The following MECOM variants were observed in gnomAD, a reference collection of about 807,000 sequenced individuals.
MECOM encodes the protein histone-lysine N-methyltransferase MECOM.
In MECOM, 13 loss-of-function variants were observed where a neutral mutation model predicts 116.3. That is an observed-to-expected ratio of 0.11 (90% confidence interval 0.07 to 0.18). The LOEUF is 0.18. Among genes scored for constraint, MECOM ranks in the 10% least tolerant of loss-of-function variants. MECOM has a pLI of 1.00. For synonymous variants in MECOM, 528 were observed against 535.2 expected, an observed-to-expected ratio of 0.99 and a Z score of 0.19; for missense variants, 1,299 against 1,509.0, an observed-to-expected ratio of 0.86 and a Z score of 2.31.
At chr3:169,520,373 C>T (rs1224540066) in intron 1 of MECOM, among the ~76,000 whole-genome samples, 1 of 152,184 alleles carries the variant, frequency 6.6e-6, no homozygotes, top group Non-Finnish European at 1.5e-5. Flanking sequence ...CTCCCTCATC[C>T]TTGGACTTCC....
chr3:169,382,857 A>AT (rs1339658796), intron 1 of MECOM, among the ~76,000 whole-genome samples: 4 of 103,190 alleles, frequency 3.9e-5, no homozygotes, highest in African/African-American at 1.6e-4. Context: ...CTCAAAAAAA[A>AT]AAAAAAATAA....
intron 2 of MECOM, among the ~76,000 whole-genome samples, chr3:169,295,240 T>G (rs1438479926): frequency 6.6e-6 from 1 of 152,142 alleles, no homozygotes; most frequent in African/African-American, 2.4e-5. Context: ...AAGATATTGT[T>G]TAAAGAAAGA....
chr3:169,480,155 G>A (rs1473412242), intron 1 of MECOM, among the ~76,000 whole-genome samples: 1 of 152,304 alleles, frequency 6.6e-6, no homozygotes, highest in African/African-American at 2.4e-5. Context: ...GACATGTGAA[G>A]AATTCAAATA....
intron 1 of MECOM, among the ~76,000 whole-genome samples, chr3:169,512,801 C>G (rs894717964): frequency 5.3e-5 from 8 of 152,200 alleles, no homozygotes; most frequent in African/African-American, 1.9e-4. Flanking sequence ...CCCAGCTCCC[C>G]CTTCCCACTT....
intron 2 of MECOM, among the ~76,000 whole-genome samples, chr3:169,302,353 T>G (rs1383393229): frequency 6.6e-6 from 1 of 152,154 alleles, no homozygotes; most frequent in African/African-American, 2.4e-5. Context: ...GCACAACACC[T>G]CCTGCTGTGA....
At chr3:169,375,963 T>A (rs1406788501) in intron 2 of MECOM, among the ~76,000 whole-genome samples, 5 of 151,996 alleles carry the variant, frequency 3.3e-5, no homozygotes, top group Admixed American at 1.3e-4. Context: ...CAGCAGCACA[T>A]CAGAAAGCTT....
intron 2 of MECOM, among the ~76,000 whole-genome samples, chr3:169,329,447 G>A (rs1039350746): frequency 6.6e-6 from 1 of 152,194 alleles, no homozygotes; most frequent in African/African-American, 2.4e-5. Flanking sequence ...TATGTGGGGA[G>A]TGTGGGCAAG....
At chr3:169,322,010 T>C (rs1336799303) in intron 2 of MECOM, among the ~76,000 whole-genome samples, 1 of 152,224 alleles carries the variant, frequency 6.6e-6, no homozygotes, top group African/African-American at 2.4e-5. Flanking sequence ...AGTTTCTCCA[T>C]GTATCTCCAG....
intron 2 of MECOM, among the ~76,000 whole-genome samples, chr3:169,274,014 T>A (rs1759285629): frequency 6.7e-6 from 1 of 150,100 alleles, no homozygotes; most frequent in South Asian, 2.1e-4. Flanking sequence ...CGGGTTCAAG[T>A]GAGTCTCCTG....
rs533355513 is a variant in MECOM at position 169,372,581 on chromosome 3, C to A, written c.375+8606G>T. The stretch of plus-strand genomic sequence containing the variant: ...CAGAGATAACTGAACTTCTAGGAAA[C>A]AAGAAATTGGAAAAAGAGCAATAAC... On this transcript the variant is annotated intron_variant, in intron 2 of 16. Transcript: ENST00000651503. Among the ~76,000 whole-genome samples the A allele has an allele frequency of 5.3e-5, 8 of 151,998 alleles. No individual in the cohort carries two copies. In the South Asian group the frequency reaches 1.5e-3, roughly 28 times the overall value.
At chr3:169,631,664 G>A (rs891015927) in intron 1 of MECOM, among the ~76,000 whole-genome samples, 7 of 130,986 alleles carry the variant, frequency 5.3e-5, no homozygotes, top group African/African-American at 8.8e-5. Context: ...TCCTGTGTCC[G>A]TGTGTTCTCA....
intron 1 of MECOM, among the ~76,000 whole-genome samples, chr3:169,430,744 C>A (rs868552391): frequency 4.6e-5 from 7 of 152,270 alleles, no homozygotes; most frequent in South Asian, 2.1e-4. Flanking sequence ...AAAGAACAGA[C>A]CATACGATTT....
chr3:169,502,675 A>T (rs530869728), intron 1 of MECOM, among the ~76,000 whole-genome samples: 1 of 152,298 alleles, frequency 6.6e-6, no homozygotes, highest in South Asian at 2.1e-4. Flanking sequence ...CTTTTTAAAT[A>T]TAGAGCTTGG....
intron 2 of MECOM, among the ~76,000 whole-genome samples, chr3:169,203,184 C>T (rs1749423940): frequency 6.6e-6 from 1 of 152,186 alleles, no homozygotes; most frequent in South Asian, 2.1e-4. Context: ...CTGCCCACTT[C>T]ACCTCGACAG....
chr3:169,141,497 A>C (rs73879020), intron 3 of MECOM, among the ~76,000 whole-genome samples: 3 of 152,108 alleles, frequency 2.0e-5, no homozygotes, highest in African/African-American at 7.2e-5. Flanking sequence ...CCTATTCCTC[A>C]TGGAAAAGAG....
At chr3:169,348,389 T>C (rs1428218768) in intron 2 of MECOM, among the ~76,000 whole-genome samples, 13 of 152,016 alleles carry the variant, frequency 8.6e-5, no homozygotes, top group Non-Finnish European at 7.4e-5. Context: ...AAGAAAGGGA[T>C]AGTGTTAATT....
chr3:169,418,488 C>T (rs9815964), intron 1 of MECOM, among the ~76,000 whole-genome samples: 4,056 of 152,122 alleles, frequency 0.027, 73 homozygotes, highest in African/African-American at 0.034. Flanking sequence ...AACATCAATG[C>T]GAATATCCTC....
In MECOM at chr3:169,213,380, T is replaced by C. The variant is rs1410152535; in HGVS notation, c.376-69548A>G. 2.0e-5 allele frequency among the ~76,000 whole-genome samples: 3 copies of C among 152,324 alleles called. No individual in the cohort carries two copies. In the East Asian group the frequency reaches 5.8e-4, roughly 29 times the overall value. ...AGAAAGGAATATATGAGAAATTAGA[T>C]AATTTCATCATGTTTTGGCTTTTTT... On this transcript the variant is annotated intron_variant, in intron 2 of 16. Coordinates refer to ENST00000651503, the MANE Select transcript of MECOM (RefSeq NM_004991.4).
At chr3:169,422,964 T>TA in intron 1 of MECOM, among the ~76,000 whole-genome samples, 1 of 152,190 alleles carries the variant, frequency 6.6e-6, no homozygotes, top group Non-Finnish European at 1.5e-5. Flanking sequence ...CCCTTATTTT[T>TA]AAAAAGAGTG....
Sources: gnomAD v4.1 joint callset for allele counts (sites outside exome capture counted in the v4.1 genomes callset) on GRCh38, gnomAD v4.1.1 for gene constraint, MANE v1.5 for transcripts, NCBI Gene and HGNC (gene_info 2026-07-23, HGNC 2026-07-21) for gene names.